Variants in DAAM2 observed in about 807,000 individuals in gnomAD.
The protein encoded by DAAM2 is dishevelled associated activator of morphogenesis 2, also known as disheveled-associated activator of morphogenesis 2.
DAAM2 carries 39 observed loss-of-function variants against 120.7 expected under a neutral mutation model. The ratio of observed to expected loss-of-function variants is 0.32; its 90% confidence interval spans 0.25 to 0.42. DAAM2 has a LOEUF of 0.42. Among genes scored for constraint, DAAM2 ranks in the 10% least tolerant of loss-of-function variants. DAAM2 has a pLI of 1.00. For missense variants in DAAM2, 1,283 were observed against 1,401.7 expected (o/e 0.92, Z 1.35); for synonymous variants, 488 against 524.9 (o/e 0.93, Z 0.96).
At chr6:39,887,099 G>C in intron 15 of DAAM2, 1 of 171,442 alleles carries the variant, frequency 5.8e-6, no homozygotes, top group Non-Finnish European at 1.2e-5. Context: ...CAGTGGGAAT[G>C]GGAGTTGATT....
Position 39,901,803 on chromosome 6 carries a change from C to T in DAAM2, c.2983-10C>T. 1 of 1,518,464 alleles carries T rather than the reference C, an allele frequency of 6.6e-7. No homozygotes were observed. The highest frequency in any genetic ancestry group is 1.3e-5 in the South Asian group (1 of 76,942). The allele number at this position is 1,518,464 out of a possible 1,614,324, so 94.1% of individuals were successfully genotyped here. A position where few individuals can be genotyped will look rare whatever the true frequency, so the allele number is the denominator to read the frequency against. ...TGAGAGGGTTCCTATCTTTGGCCCC[C>T]CGCCCGCAGCTGAAGGAGCAGAGGG... On this transcript the variant is annotated splice_polypyrimidine_tract_variant and intron_variant, in intron 24 of 24. Coordinates refer to ENST00000274867, the MANE Select transcript of DAAM2 (RefSeq NM_001201427.2). The surrounding 1 kb of genome is among the most constrained non-coding windows in gnomAD (Gnocchi z 4.5).
At chr6:39,794,936 C>A (rs1761656036) in intron 1 of DAAM2, among the ~76,000 whole-genome samples, 1 of 152,136 alleles carries the variant, frequency 6.6e-6, no homozygotes, top group East Asian at 1.9e-4. Context: ...TACTCTTATC[C>A]CAGCATACAA....
At chr6:39,797,650 T>G (rs1439957715) in intron 1 of DAAM2, among the ~76,000 whole-genome samples, 7 of 152,166 alleles carry the variant, frequency 4.6e-5, no homozygotes, top group Admixed American at 4.6e-4. Context: ...GCTTCCCAGG[T>G]GATCTGAAGT....
chr6:39,846,860 A>G (rs915624542), intron 1 of DAAM2, among the ~76,000 whole-genome samples: 1 of 152,210 alleles, frequency 6.6e-6, no homozygotes, highest in Non-Finnish European at 1.5e-5. Context: ...TTTGTTTGAA[A>G]GAACGAATGA....
chr6:39,894,111 G>T (rs1039208517), intron 19 of DAAM2, among the ~76,000 whole-genome samples: 1 of 152,170 alleles, frequency 6.6e-6, no homozygotes, highest in Non-Finnish European at 1.5e-5. Flanking sequence ...TAGTCAAGAT[G>T]AATATGGTTG....
At chr6:39,807,951 C>T (rs913475666) in intron 1 of DAAM2, among the ~76,000 whole-genome samples, 1 of 152,116 alleles carries the variant, frequency 6.6e-6, no homozygotes, top group Non-Finnish European at 1.5e-5. Context: ...GAAGAGTGAA[C>T]AGGAAGCTGT....
In DAAM2 at chr6:39,878,066, A is replaced by C; in HGVS notation, c.1302-137A>C. 1 of 840,980 alleles carries C rather than the reference A, an allele frequency of 1.2e-6. No homozygotes were observed. Among genetic ancestry groups the C allele is most frequent in the Non-Finnish European group, 1.9e-6 (1 of 538,158 alleles). The allele number at this position is 840,980 out of a possible 1,614,324, so 52.1% of individuals were successfully genotyped here. ...CCTGGAGAGACACCTGGGAAGTCTA[A>C]ATCCTAGCCCCCTTGATGTGGCTGG... On this transcript the variant is annotated intron_variant, in intron 11 of 24. Coordinates refer to ENST00000274867, the MANE Select transcript of DAAM2 (RefSeq NM_001201427.2). The surrounding 1 kb of genome is among the most constrained non-coding windows in gnomAD (Gnocchi z 5.0).
chr6:39,887,663 A>C (rs2149348941), intron 16 of DAAM2, 71 bp downstream of exon 16: 1 of 1,027,560 alleles, frequency 9.7e-7, no homozygotes, highest in East Asian at 2.6e-5. Flanking sequence ...GAGTGGTGGC[A>C]GTCTCGGGCC....
At chr6:39,814,390 C>T (rs953084066) in intron 1 of DAAM2, among the ~76,000 whole-genome samples, 1 of 152,090 alleles carries the variant, frequency 6.6e-6, no homozygotes, top group African/African-American at 2.4e-5. Context: ...AGCCAGCCTC[C>T]CCTTTGACCT....
At position 39,892,699 on chromosome 6, in the gene DAAM2, A is replaced by T. The variant is rs1453279885; in HGVS notation, c.2341+977A>T. Among the ~76,000 whole-genome samples the T allele has an allele frequency of 2.0e-5, 3 of 152,150 alleles. No individual in the cohort carries two copies. In the East Asian group the frequency reaches 5.8e-4, roughly 29 times the overall value. ...TACCAGGCTGGGGGCAGAACAGAGCATGGGCACCCCCTGCTGGACACCAGG... is the reference window on the plus strand; with the variant it reads ...TACCAGGCTGGGGGCAGAACAGAGCTTGGGCACCCCCTGCTGGACACCAGG... On this transcript the variant is annotated intron_variant, in intron 19 of 24. Coordinates refer to ENST00000274867, the MANE Select transcript of DAAM2 (RefSeq NM_001201427.2).
intron 14 of DAAM2, chr6:39,883,592 C>T (rs1765233949): frequency 4.9e-6 from 1 of 202,988 alleles, no homozygotes; most frequent in East Asian, 1.2e-4. Flanking sequence ...GCAACCTGCC[C>T]TTTAGGGGGA....
At chr6:39,873,084 C>T (rs1414185764) in intron 9 of DAAM2, among the ~76,000 whole-genome samples, 154 bp from the exon 10 acceptor site, 1 of 152,166 alleles carries the variant, frequency 6.6e-6, no homozygotes, top group African/African-American at 2.4e-5. Context: ...TCTCCCTGTT[C>T]CTTTTGTCTT....
chr6:39,868,162 C>T (rs191326261), intron 6 of DAAM2: 1 of 359,920 alleles, frequency 2.8e-6, no homozygotes, highest in Admixed American at 4.0e-5. Flanking sequence ...CAACACCTGG[C>T]TCATGATAGG....
At position 39,878,647 on chromosome 6, in the gene DAAM2, G is replaced by A. The variant is rs534605733; in HGVS notation, c.1545+59G>A. ...CCAAGACCCTGGGCTTCAGGACTGG[G>A]TGGGCAGAGCAGGTGTCGGAGAGGC... On this transcript the variant is annotated intron_variant, in intron 13 of 24. Coordinates refer to ENST00000274867, the MANE Select transcript of DAAM2 (RefSeq NM_001201427.2). This position sits in a 1 kb window ranked among gnomAD's most constrained non-coding sequence, Gnocchi z 5.0. The A allele has an allele frequency of 4.5e-4, 685 of 1,524,536 alleles. No homozygotes were observed. The highest frequency in any genetic ancestry group is 5.7e-4 in the Non-Finnish European group (646 of 1,131,296). The allele number at this position is 1,524,536 out of a possible 1,614,324, so 94.4% of individuals were successfully genotyped here.
At chr6:39,840,345 G>A (rs1763278202) in intron 1 of DAAM2, among the ~76,000 whole-genome samples, 1 of 152,216 alleles carries the variant, frequency 6.6e-6, no homozygotes, top group African/African-American at 2.4e-5. Context: ...CTGAACATTG[G>A]TTTCCTTAAA....
chr6:39,901,749 G>C lies in DAAM2; in HGVS notation c.2983-64G>C. On this transcript the variant is annotated intron_variant, in intron 24 of 24. Transcript: ENST00000274867. This position sits in a 1 kb window ranked among gnomAD's most constrained non-coding sequence, Gnocchi z 4.5. ...GGCCTAGGAGTTAGCCCAGGGTTGG[G>C]GGGCTGCCCTGGCCTCAGCGCCTCT... 7.1e-7 allele frequency: 1 copy of C among 1,405,266 alleles called. No individual in the cohort carries two copies. Among genetic ancestry groups the C allele is most frequent in the Non-Finnish European group, 9.4e-7 (1 of 1,062,288 alleles). The allele number at this position is 1,405,266 out of a possible 1,614,324, so 87.0% of individuals were successfully genotyped here.
rs1764976161 is a variant in DAAM2 at position 39,878,675 on chromosome 6, A to G, written c.1545+87A>G. 6 of 1,368,726 alleles carry G rather than the reference A, an allele frequency of 4.4e-6. No individual in the cohort carries two copies. The highest frequency in any genetic ancestry group is 2.8e-5 in the South Asian group (2 of 70,422). The allele number at this position is 1,368,726 out of a possible 1,614,324, so 84.8% of individuals were successfully genotyped here. A position where few individuals can be genotyped will look rare whatever the true frequency, so the allele number is the denominator to read the frequency against. ...GGCAGAGCAGGTGTCGGAGAGGCCAAGGACCCCAGCATGAGGGAGAAGGGA... is the reference window on the plus strand; with the variant it reads ...GGCAGAGCAGGTGTCGGAGAGGCCAGGGACCCCAGCATGAGGGAGAAGGGA... On this transcript the variant is annotated intron_variant, in intron 13 of 24. Coordinates refer to ENST00000274867, the MANE Select transcript of DAAM2 (RefSeq NM_001201427.2). The surrounding 1 kb of genome is among the most constrained non-coding windows in gnomAD (Gnocchi z 5.0).
At chr6:39,826,831 C>T (rs1042913308) in intron 1 of DAAM2, among the ~76,000 whole-genome samples, 18 of 152,258 alleles carry the variant, frequency 1.2e-4, no homozygotes, top group Non-Finnish European at 2.1e-4. Flanking sequence ...GAATGACTGT[C>T]AGGAGCACCT....
rs528274602 is a variant in DAAM2, at chr6:39,851,889, G to A, written c.-56-4358G>A. On this transcript the variant is annotated intron_variant, in intron 1 of 24. Transcript: ENST00000274867. ...TGGCCTGCTGAACTCCCGCTGGTGA[G>A]TGACAGAACTGGGACAGGCAATGTG... 5.9e-5 allele frequency among the ~76,000 whole-genome samples: 9 copies of A among 152,368 alleles called. No individual in the cohort carries two copies. The South Asian group carries it at 1.9e-3, about 32-fold the overall frequency.
Sources: allele counts gnomAD v4.1 joint callset (sites outside exome capture counted in the v4.1 genomes callset), GRCh38; gene constraint gnomAD v4.1.1; non-coding constraint Gnocchi (gnomAD v3.1); transcripts MANE v1.5; gene names NCBI Gene and HGNC (gene_info 2026-07-23, HGNC 2026-07-21).